The following SUGT1 variants were observed in gnomAD, a reference collection of about 807,000 sequenced individuals.
SUGT1 encodes the protein SGT1 assembly cochaperone of MIS12 kinetochore complex, also known as protein SGT1 homolog.
SUGT1 carries 15 observed loss-of-function variants against 56.1 expected under a neutral mutation model. The observed-to-expected ratio is 0.27, with a 90% CI of 0.18 to 0.41. The LOEUF is 0.41. Among genes scored for constraint, SUGT1 ranks in the 10% least tolerant of loss-of-function variants. The pLI is 1.00. For missense variants in SUGT1, 347 were observed against 382.2 expected (o/e 0.91, Z 0.77); for synonymous variants, 123 against 128.6 (o/e 0.96, Z 0.30).
intron 5 of SUGT1, among the ~76,000 whole-genome samples, chr13:52,660,446 A>G (rs1262770871): frequency 1.3e-5 from 2 of 152,190 alleles, no homozygotes; most frequent in East Asian, 1.9e-4. Context: ...AAAGAAGTAT[A>G]TGGTCCAAAA....
chr13:52,653,244 G>A (rs1961997266), intron 2 of SUGT1, 141 bp downstream of exon 2: 2 of 1,029,118 alleles, frequency 1.9e-6, no homozygotes, highest in Non-Finnish European at 2.9e-6. Flanking sequence ...CCGGTATTGA[G>A]ATTCTCCGTC....
intron 2 of SUGT1, among the ~76,000 whole-genome samples, chr13:52,655,551 G>A (rs1241129334): frequency 6.6e-6 from 1 of 152,180 alleles, no homozygotes; most frequent in Non-Finnish European, 1.5e-5. Context: ...TTTGCATGTA[G>A]GGCAGTGATT....
chr13:52,680,504 G>A (rs9316583), intron 12 of SUGT1, among the ~76,000 whole-genome samples: 5,456 of 152,054 alleles, frequency 0.036, 129 homozygotes, highest in South Asian at 0.064. Flanking sequence ...ATATAGATAC[G>A]AAACTTTTCA....
At chr13:52,655,943 G>A (rs1283229916) in intron 2 of SUGT1, among the ~76,000 whole-genome samples, 2 of 152,086 alleles carry the variant, frequency 1.3e-5, no homozygotes, top group African/African-American at 4.8e-5. Context: ...TTTGTAGAGG[G>A]GAAGAAGTCT....
chr13:52,667,972 CT>C (rs536634833), intron 10 of SUGT1, among the ~76,000 whole-genome samples: 169 of 144,064 alleles, frequency 1.2e-3, no homozygotes, highest in Middle Eastern at 3.5e-3. Flanking sequence ...TCCATTACTA[CT>C]TTTTTTTTTT....
chr13:52,657,573 G>A lies in SUGT1; in HGVS notation c.138G>A (p.Gln46=). The A allele has an allele frequency of 1.2e-6, 2 of 1,613,694 alleles. No homozygotes were observed. The highest frequency in any genetic ancestry group is 1.7e-6 in the Non-Finnish European group (2 of 1,179,756). Residue 46 remains glutamine, a synonymous_variant, in exon 3 of 13, where the codon CAG becomes CAA. Transcript: ENST00000310528. ...KALEQKPDDA[Q]YYCQRAYCHI... ...TGGAACAGAAACCAGATGATGCACA[G>A]TATTATTGTCAAAGAGCTTATTGTC...
At chr13:52,685,476 C>T (rs1428091550) in intron 12 of SUGT1, among the ~76,000 whole-genome samples, 3 of 152,050 alleles carry the variant, frequency 2.0e-5, no homozygotes, top group Non-Finnish European at 2.9e-5. Context: ...AGGAAAAGTA[C>T]ATCTACTTGA....
intron 12 of SUGT1, among the ~76,000 whole-genome samples, chr13:52,682,591 A>G (rs1374721939): frequency 1.3e-5 from 2 of 152,148 alleles, no homozygotes; most frequent in Non-Finnish European, 2.9e-5. Flanking sequence ...GGTGGATAGT[A>G]TGTTCGGGTG....
intron 5 of SUGT1, among the ~76,000 whole-genome samples, chr13:52,659,791 T>C (rs974061925): frequency 5.9e-5 from 1 of 16,814 alleles, no homozygotes; most frequent in Non-Finnish European, 1.3e-4. Context: ...GAGTCAAGAA[T>C]ATATATATAT....
rs761875618 is a variant in SUGT1 at position 52,694,116 on chromosome 13, A to G, written c.*6281A>G. 5 of 152,316 alleles carry G rather than the reference A, an allele frequency of 3.3e-5. No individual in the cohort carries two copies. Among genetic ancestry groups the G allele is most frequent in the Admixed American group, 2.0e-4 (3 of 15,302 alleles). 9.4% of individuals were successfully genotyped at this position (152,316 alleles called of 1,614,324 possible). On this transcript the variant is annotated 3_prime_UTR_variant, in exon 13 of 13. Transcript: ENST00000310528. ...GATAAAGGGGAACTATTAATAGTCT[A>G]TCTGTATTGCATTATCTTCTAAAAT...
Position 52,694,585 on chromosome 13 carries a change from A to G in SUGT1, c.*6750A>G, listed in dbSNP as rs1020078298. ...AAAGCTCAAAACAGAAGGTAAAACT[A>G]TTAGGATTTGTGAAAAATACAAGGT... On this transcript the variant is annotated 3_prime_UTR_variant, in exon 13 of 13. Coordinates refer to ENST00000310528, the MANE Select transcript of SUGT1 (RefSeq NM_006704.5). The G allele has an allele frequency of 9.9e-5, 15 of 152,228 alleles. No homozygotes were observed. The highest frequency in any genetic ancestry group is 3.6e-4 in the African/African-American group (15 of 41,474). 9.4% of individuals were successfully genotyped at this position (152,228 alleles called of 1,614,324 possible). A position where few individuals can be genotyped will look rare whatever the true frequency, so the allele number is the denominator to read the frequency against.
intron 2 of SUGT1, among the ~76,000 whole-genome samples, chr13:52,653,336 C>G (rs938896413): frequency 6.6e-6 from 1 of 152,016 alleles, no homozygotes. Context: ...TGAGAAAAAC[C>G]TCCTCTATTT....
At chr13:52,670,379 T>G (rs945589225) in intron 10 of SUGT1, among the ~76,000 whole-genome samples, 2 of 152,242 alleles carry the variant, frequency 1.3e-5, no homozygotes, top group Non-Finnish European at 2.9e-5. Context: ...TTTTAGAAAT[T>G]AAGAAACTAT....
chr13:52,657,405 A>T (rs1450041897), intron 2 of SUGT1, 127 bp from the exon 3 acceptor site: 17 of 811,450 alleles, frequency 2.1e-5, no homozygotes, highest in Non-Finnish European at 3.4e-5. Context: ...CTCCAATATT[A>T]TATCCGTGTT....
At chr13:52,660,887 G>A (rs907554539) in intron 5 of SUGT1, among the ~76,000 whole-genome samples, 4 of 152,198 alleles carry the variant, frequency 2.6e-5, no homozygotes, top group African/African-American at 9.7e-5. Context: ...GGTCACTGCA[G>A]CCTCCACCTC....
rs966665635 is a variant in SUGT1 at position 52,699,619 on chromosome 13, A to G, written c.*11784A>G. ...ATATGGTTTTAATGGAAAGGAAACC[A>G]TTTGCCTTTAACAGCATTAGTCCCG... is the stretch of plus-strand genomic sequence containing the variant. On this transcript the variant is annotated 3_prime_UTR_variant, in exon 13 of 13. Coordinates refer to ENST00000310528, the MANE Select transcript of SUGT1 (RefSeq NM_006704.5). 6.6e-6 allele frequency: 1 copy of G among 152,186 alleles called. No homozygotes were observed. The highest frequency in any genetic ancestry group is 1.5e-5 in the Non-Finnish European group (1 of 68,034). The allele number at this position is 152,186 out of a possible 1,614,324, so 9.4% of individuals were successfully genotyped here. A position where few individuals can be genotyped will look rare whatever the true frequency, so the allele number is the denominator to read the frequency against.
At position 52,680,071 on chromosome 13, in the gene SUGT1, G is replaced by A. The variant is rs781458475; in HGVS notation, c.816G>A (p.Glu272=). 2 of 1,596,790 alleles carry A rather than the reference G, an allele frequency of 1.3e-6. No individual in the cohort carries two copies. Among genetic ancestry groups the A allele is most frequent in the Non-Finnish European group, 8.5e-7 (1 of 1,175,494 alleles). ...AAGAAGAAAAGAATGAAAAGTTGGA[G>A]GGAGATGCAGCTTTAAACAGATTAT... ...IKEEEKNEKL[E]GDAALNRLFQ... is the part of the protein sequence containing the mutation. The change falls in exon 12 of 13, where the codon GAG becomes GAA. Residue 272 remains glutamate, a synonymous_variant. Transcript: ENST00000310528.
chr13:52,676,616 C>T (rs1963151838), intron 11 of SUGT1, among the ~76,000 whole-genome samples: 1 of 152,056 alleles, frequency 6.6e-6, no homozygotes, highest in African/African-American at 2.4e-5. Context: ...CGTGTTGGCC[C>T]TTCCTGTTGT....
intron 5 of SUGT1, chr13:52,661,332 T>C (rs1267448260): frequency 6.6e-6 from 1 of 152,186 alleles, no homozygotes; most frequent in Non-Finnish European, 1.5e-5. Flanking sequence ...GTTTCTTTTT[T>C]TGAGACTGAG....
Sources: allele counts gnomAD v4.1 joint callset (sites outside exome capture counted in the v4.1 genomes callset), GRCh38; gene constraint gnomAD v4.1.1; transcripts MANE v1.5; gene names NCBI Gene and HGNC (gene_info 2026-07-23, HGNC 2026-07-21).